The following MYT1L variants were observed in gnomAD, a reference collection of about 807,000 sequenced individuals.
The protein encoded by MYT1L is myelin transcription factor 1-like protein.
MYT1L carries 12 observed loss-of-function variants against 126.7 expected under a neutral mutation model. That is an observed-to-expected ratio of 0.09 (90% CI 0.06 to 0.15). The LOEUF is 0.15. MYT1L is among the 10% of genes least tolerant of loss of function. The probability of loss-of-function intolerance (pLI) is 1.00; values close to 1 mark genes in which losing one functional copy is unlikely to be tolerated. For synonymous variants in MYT1L, 541 were observed against 604.2 expected (o/e 0.90, Z 1.53); for missense variants, 979 against 1,585.2 (o/e 0.62, Z 6.49).
At chr2:2,135,206 G>C (rs1193051469) in intron 3 of MYT1L, among the ~76,000 whole-genome samples, 1 of 152,162 alleles carries the variant, frequency 6.6e-6, no homozygotes, top group East Asian at 1.9e-4. Flanking sequence ...GAGGGGCCTG[G>C]TGGAGGGTAA....
At chr2:2,177,508 C>T (rs894810176) in intron 2 of MYT1L, among the ~76,000 whole-genome samples, 6 of 152,114 alleles carry the variant, frequency 3.9e-5, no homozygotes, top group South Asian at 4.2e-4. Context: ...AGGGTGTATT[C>T]GTCTGTTCTC....
chr2:1,962,608 G>C (rs1384847930), intron 8 of MYT1L, among the ~76,000 whole-genome samples: 1 of 152,174 alleles, frequency 6.6e-6, no homozygotes, highest in Non-Finnish European at 1.5e-5. Context: ...CTATTTGATA[G>C]CATTTTACCC....
chr2:2,242,905 A>C (rs1325541418), intron 2 of MYT1L, among the ~76,000 whole-genome samples: 1 of 152,202 alleles, frequency 6.6e-6, no homozygotes, highest in Non-Finnish European at 1.5e-5. Context: ...CCAGCTCTCT[A>C]GGAAGGATGC....
intron 2 of MYT1L, among the ~76,000 whole-genome samples, chr2:2,243,612 G>A (rs1208729759): frequency 2.0e-5 from 3 of 152,184 alleles, no homozygotes; most frequent in South Asian, 2.1e-4. Context: ...AACACCAGGG[G>A]CCCTGCAGAA....
Position 1,970,062 on chromosome 2 carries a change from C to T in MYT1L, c.152+9103G>A, listed in dbSNP as rs574278157. Among the ~76,000 whole-genome samples, 7 of 152,210 alleles carry T rather than the reference C, an allele frequency of 4.6e-5. No homozygotes were observed. The South Asian group carries it at 1.0e-3, about 23-fold the overall frequency. ...TCCTCTAAATCTTTACTAATTTTGG[C>T]AGGAAGAGAATATGGAAATTGGCGT... On this transcript the variant is annotated intron_variant, in intron 8 of 24. Transcript: ENST00000647738.
chr2:2,075,424 A>G (rs1241597192), intron 3 of MYT1L, among the ~76,000 whole-genome samples: 1 of 152,188 alleles, frequency 6.6e-6, no homozygotes, highest in Admixed American at 6.5e-5. Context: ...CCCTAGGTTA[A>G]GAGTTGCCAT....
At chr2:1,957,238 A>G (rs2058563009) in intron 8 of MYT1L, among the ~76,000 whole-genome samples, 1 of 152,192 alleles carries the variant, frequency 6.6e-6, no homozygotes, top group South Asian at 2.1e-4. Flanking sequence ...CTCATCTACC[A>G]TCCATCTACT....
chr2:2,317,855 C>A (rs573803484), intron 1 of MYT1L, among the ~76,000 whole-genome samples: 1 of 152,154 alleles, frequency 6.6e-6, no homozygotes, highest in East Asian at 1.9e-4. Context: ...TGACCGTGCC[C>A]TTAGTTAAAA....
At chr2:2,191,206 C>T (rs569130826) in intron 2 of MYT1L, among the ~76,000 whole-genome samples, 30 of 152,234 alleles carry the variant, frequency 2.0e-4, no homozygotes, top group Non-Finnish European at 3.7e-4. Flanking sequence ...CTTCCCAGCA[C>T]AGGATGAAGG....
Position 2,025,377 on chromosome 2 carries a change from G to C in MYT1L, c.-157-28030C>G, listed in dbSNP as rs543298460. ...GTGATTCCCGTTTATCAGTCTACAG[G>C]GTCCTTGAATGTGAGGGCTGTGCTG... On this transcript the variant is annotated intron_variant, in intron 4 of 24. Coordinates refer to ENST00000647738, the MANE Select transcript of MYT1L (RefSeq NM_001303052.2). Among the ~76,000 whole-genome samples the C allele has an allele frequency of 3.9e-5, 6 of 152,250 alleles. No individual in the cohort carries two copies. The South Asian group carries it at 1.0e-3, about 26-fold the overall frequency.
At chr2:1,894,564 C>A (rs2049331358) in intron 14 of MYT1L, among the ~76,000 whole-genome samples, 1 of 151,044 alleles carries the variant, frequency 6.6e-6, no homozygotes, top group South Asian at 2.1e-4. Context: ...TTTGTTTTTA[C>A]TAGTGAGGGC....
At chr2:1,866,460 CAGAG>C (rs1004117398) in intron 18 of MYT1L, among the ~76,000 whole-genome samples, 1 of 105,370 alleles carries the variant, frequency 9.5e-6, no homozygotes, top group African/African-American at 3.7e-5. Flanking sequence ...GAGAGAGAGG[CAGAG>C]AGAGAGAGGG....
At chr2:1,963,054 G>A (rs1354944080) in intron 8 of MYT1L, among the ~76,000 whole-genome samples, 2 of 152,194 alleles carry the variant, frequency 1.3e-5, no homozygotes, top group African/African-American at 4.8e-5. Flanking sequence ...GGCAGATGTA[G>A]CCTCATGAAA....
In MYT1L at chr2:2,224,942, T is replaced by C. The variant is rs2093970984; in HGVS notation, c.-420-51954A>G. Among the ~76,000 whole-genome samples, 1 of 152,094 alleles carries C rather than the reference T, an allele frequency of 6.6e-6. No individual in the cohort carries two copies. Among genetic ancestry groups the C allele is most frequent in the African/African-American group, 2.4e-5 (1 of 41,436 alleles). On this transcript the variant is annotated intron_variant, in intron 2 of 24. Coordinates refer to ENST00000647738, the MANE Select transcript of MYT1L (RefSeq NM_001303052.2). This position sits in a 1 kb window ranked among gnomAD's most constrained non-coding sequence, Gnocchi z 4.0. ...GGGTTTGAGCCTCATGCTTGTTTGC[T>C]GGGCTCCACGCTGGGTTTGAGGTTC...
chr2:2,301,428 C>T (rs890843118), intron 1 of MYT1L, among the ~76,000 whole-genome samples: 3 of 152,224 alleles, frequency 2.0e-5, no homozygotes, highest in Admixed American at 6.5e-5. Context: ...CCTTTTTCAG[C>T]CTTATTATGT....
At position 1,929,485 on chromosome 2, in the gene MYT1L, T is replaced by C. The variant is rs2149160780; in HGVS notation, c.506-6222A>G. Among the ~76,000 whole-genome samples the C allele has an allele frequency of 6.6e-6, 1 of 152,342 alleles. No individual in the cohort carries two copies. Among genetic ancestry groups the C allele is most frequent in the South Asian group, 2.1e-4 (1 of 4,826 alleles). ...ACGTGTCTTCCCTGCCAGGCCGCAC[T>C]GTCCCTGGCTCCGCTCTAGCCATCA... On this transcript the variant is annotated intron_variant, in intron 9 of 24. Coordinates refer to ENST00000647738, the MANE Select transcript of MYT1L (RefSeq NM_001303052.2). The surrounding 1 kb of genome is among the most constrained non-coding windows in gnomAD (Gnocchi z 4.7).
intron 18 of MYT1L, among the ~76,000 whole-genome samples, chr2:1,861,869 T>A (rs796137237): frequency 1.2e-4 from 18 of 151,074 alleles, no homozygotes; most frequent in South Asian, 2.1e-4. Flanking sequence ...TAGATCTGCC[T>A]GCAGCCTGTG....
At chr2:2,085,291 T>C (rs960511465) in intron 3 of MYT1L, among the ~76,000 whole-genome samples, 2 of 152,104 alleles carry the variant, frequency 1.3e-5, no homozygotes, top group African/African-American at 4.8e-5. Flanking sequence ...CCAAATCCTC[T>C]AGAGACCCCC....
intron 8 of MYT1L, among the ~76,000 whole-genome samples, chr2:1,956,570 C>T: frequency 9.0e-6 from 1 of 110,566 alleles, no homozygotes; most frequent in Non-Finnish European, 1.9e-5. Context: ...TTCTATATTT[C>T]CTATTCTATC....
Sources: allele counts gnomAD v4.1 joint callset (sites outside exome capture counted in the v4.1 genomes callset), GRCh38; gene constraint gnomAD v4.1.1; non-coding constraint Gnocchi (gnomAD v3.1); transcripts MANE v1.5; gene names NCBI Gene and HGNC (gene_info 2026-07-23, HGNC 2026-07-21).